Variants in IPMK observed in about 807,000 individuals in gnomAD.
IPMK encodes the protein inositol 1,3,4,6-tetrakisphosphate 5-kinase.
In IPMK, 17 loss-of-function variants were observed where a neutral mutation model predicts 45.8. The ratio of observed to expected loss-of-function variants is 0.37; its 90% CI spans 0.25 to 0.56. The LOEUF (loss-of-function observed/expected upper bound fraction) is 0.56. Ranked by LOEUF, IPMK falls within the 20% of genes least tolerant of loss-of-function variation. The pLI is 0.79. For synonymous variants in IPMK, 180 were observed against 184.3 expected, an observed-to-expected ratio of 0.98 and a Z score of 0.19; for missense variants, 399 against 498.0, an observed-to-expected ratio of 0.80 and a Z score of 1.89.
At chr10:58,229,940 G>A (rs891047763) in intron 2 of IPMK, among the ~76,000 whole-genome samples, 11 of 152,154 alleles carry the variant, frequency 7.2e-5, no homozygotes, top group African/African-American at 2.2e-4. Flanking sequence ...CTGGAAAAAC[G>A]GGACACTCCC....
intron 1 of IPMK, among the ~76,000 whole-genome samples, chr10:58,257,822 A>G (rs562737466): frequency 1.1e-4 from 17 of 152,336 alleles, no homozygotes. Flanking sequence ...TACAAGAAAC[A>G]GAACATTAAA....
intron 3 of IPMK, among the ~76,000 whole-genome samples, chr10:58,224,309 A>T (rs1838381445): frequency 6.6e-6 from 1 of 152,178 alleles, no homozygotes; most frequent in Non-Finnish European, 1.5e-5. Context: ...TATCCCTCCA[A>T]ATAATTATAT....
intron 1 of IPMK, among the ~76,000 whole-genome samples, chr10:58,253,344 C>T (rs1002627264): frequency 6.6e-6 from 1 of 152,192 alleles, no homozygotes; most frequent in African/African-American, 2.4e-5. Context: ...CAGACTAATA[C>T]ACAGTTCTTG....
intron 2 of IPMK, among the ~76,000 whole-genome samples, chr10:58,234,148 G>A (rs903643555): frequency 8.5e-5 from 13 of 152,126 alleles, no homozygotes; most frequent in African/African-American, 2.2e-4. Context: ...ACAAACCACC[G>A]CTCAACAAAA....
intron 3 of IPMK, among the ~76,000 whole-genome samples, chr10:58,223,732 G>C (rs1588959423): frequency 1.3e-5 from 2 of 152,138 alleles, no homozygotes; most frequent in African/African-American, 4.8e-5. Flanking sequence ...CATGTGCTGA[G>C]GGAGGAACCT....
At chr10:58,248,458 A>G (rs2590330) in intron 1 of IPMK, among the ~76,000 whole-genome samples, 51,124 of 151,778 alleles carry the variant, frequency 0.34, 10,780 homozygotes, top group African/African-American at 0.6. Context: ...GTGTGTGCAC[A>G]TATATTTATT....
At chr10:58,234,440 C>G (rs149071801) in intron 2 of IPMK, among the ~76,000 whole-genome samples, 5,117 of 152,234 alleles carry the variant, frequency 0.034, 138 homozygotes, top group African/African-American at 0.077. Context: ...GTAACCAAAA[C>G]AGCATGGTAC....
intron 4 of IPMK, among the ~76,000 whole-genome samples, chr10:58,205,852 T>C (rs562001673): frequency 2.0e-5 from 3 of 152,278 alleles, no homozygotes; most frequent in Non-Finnish European, 4.4e-5. Flanking sequence ...AAAAATTAAA[T>C]AACTAAATAA....
chr10:58,245,054 A>T (rs968973025), intron 1 of IPMK, among the ~76,000 whole-genome samples: 3 of 133,112 alleles, frequency 2.3e-5, no homozygotes, highest in African/African-American at 7.0e-5. Context: ...CTAAAAAAAA[A>T]AAAATAATAA....
chr10:58,225,980 C>T (rs530542725), intron 3 of IPMK, among the ~76,000 whole-genome samples: 5 of 152,026 alleles, frequency 3.3e-5, no homozygotes, highest in African/African-American at 1.2e-4. Context: ...ACTAAAAAGA[C>T]CTGTAAGCCC....
rs1013057465 is a variant in IPMK at position 58,192,943 on chromosome 10, A to C, written c.*3133T>G. ...AGGTAAGCATTATAAACAATTTTTA[A>C]AGCAAAACAAGTTTTAAAGTATAAA... On this transcript the variant is annotated 3_prime_UTR_variant, in exon 6 of 6. Coordinates refer to ENST00000373935, the MANE Select transcript of IPMK (RefSeq NM_152230.5). 6.6e-6 allele frequency: 1 copy of C among 151,970 alleles called. No homozygotes were observed. Among genetic ancestry groups the C allele is most frequent in the African/African-American group, 2.4e-5 (1 of 41,448 alleles). The allele number at this position is 151,970 out of a possible 1,614,324, so 9.4% of individuals were successfully genotyped here.
intron 1 of IPMK, among the ~76,000 whole-genome samples, chr10:58,251,970 T>C (rs2440850): frequency 0.34 from 51,511 of 152,154 alleles, 10,973 homozygotes; most frequent in African/African-American, 0.61. Flanking sequence ...ATGTAATACA[T>C]TTACACTCAA....
chr10:58,216,098 G>T (rs748111978), intron 4 of IPMK, 47 bp downstream of exon 4: 8 of 1,212,696 alleles, frequency 6.6e-6, no homozygotes, highest in African/African-American at 1.6e-5. Flanking sequence ...TTCAAGGGAA[G>T]AACATGTACA....
intron 1 of IPMK, among the ~76,000 whole-genome samples, chr10:58,244,622 G>T (rs1218720060): frequency 6.7e-6 from 1 of 148,788 alleles, no homozygotes; most frequent in Non-Finnish European, 1.5e-5. Context: ...GTGGGGAAAA[G>T]AAAGAGAGAT....
At chr10:58,253,754 A>AAAAAAAAAAAG (rs1838921566) in intron 1 of IPMK, among the ~76,000 whole-genome samples, 5 of 143,416 alleles carry the variant, frequency 3.5e-5, no homozygotes, top group African/African-American at 8.0e-5. Flanking sequence ...AAAAAAAGAA[A>AAAAAAAAAAAG]AAAAAAGAAA....
chr10:58,208,019 C>A (rs1838097316), intron 4 of IPMK, among the ~76,000 whole-genome samples: 1 of 152,126 alleles, frequency 6.6e-6, no homozygotes. Flanking sequence ...CGGCTCACTG[C>A]AAGCTCCACC....
intron 4 of IPMK, among the ~76,000 whole-genome samples, chr10:58,202,669 A>C (rs948916002): frequency 6.6e-6 from 1 of 152,110 alleles, no homozygotes; most frequent in Admixed American, 6.6e-5. Flanking sequence ...AAACAAACAA[A>C]CAAAAAAATG....
intron 2 of IPMK, among the ~76,000 whole-genome samples, chr10:58,234,636 C>G (rs1838580176): frequency 1.3e-5 from 2 of 152,112 alleles, no homozygotes; most frequent in Non-Finnish European, 1.5e-5. Flanking sequence ...AAACTGGATC[C>G]CTTCCTTACA....
intron 1 of IPMK, among the ~76,000 whole-genome samples, chr10:58,244,338 C>T (rs1157076631): frequency 2.4e-4 from 35 of 143,520 alleles, no homozygotes; most frequent in Non-Finnish European, 4.7e-4. Context: ...AAGTGAGGAG[C>T]GCCTCTGCCC....
Sources: gnomAD v4.1 joint callset for allele counts (sites outside exome capture counted in the v4.1 genomes callset) on GRCh38, gnomAD v4.1.1 for gene constraint, MANE v1.5 for transcripts, NCBI Gene and HGNC (gene_info 2026-07-23, HGNC 2026-07-21) for gene names.